The following PHIP variants were observed in gnomAD, a reference collection of about 807,000 sequenced individuals.
PHIP encodes PHIP subunit of CUL4-Ring ligase complex.
Under a neutral mutation model 236.8 loss-of-function variants are expected in PHIP, and 54 were observed. The observed-to-expected ratio is 0.23, with a 90% CI of 0.18 to 0.29. PHIP has a LOEUF of 0.29. Ranked by LOEUF, PHIP falls within the 10% of genes least tolerant of loss-of-function variation. The pLI is 1.00. For missense variants in PHIP, 1,370 were observed against 2,190.8 expected (o/e 0.63, Z 7.48); for synonymous variants, 756 against 718.9 (o/e 1.05, Z -0.83).
At chr6:79,044,841 T>C (rs892028019) in intron 6 of PHIP, among the ~76,000 whole-genome samples, 2 of 152,154 alleles carry the variant, frequency 1.3e-5, no homozygotes, top group East Asian at 1.9e-4. Context: ...TGATAAAGTA[T>C]TTTATAAGCA....
At chr6:79,034,090 A>G (rs1771808078) in intron 7 of PHIP, among the ~76,000 whole-genome samples, 1 of 152,214 alleles carries the variant, frequency 6.6e-6, no homozygotes, top group Non-Finnish European at 1.5e-5. Flanking sequence ...TATAATAATA[A>G]TGAAAAAGCT....
chr6:79,000,208 G>T (rs1006152728), intron 17 of PHIP, among the ~76,000 whole-genome samples: 1 of 151,952 alleles, frequency 6.6e-6, no homozygotes, highest in African/African-American at 2.4e-5. Flanking sequence ...GACAAAAAAA[G>T]ATTTTTACTC....
chr6:78,970,395 G>A (rs1293887479), intron 25 of PHIP, among the ~76,000 whole-genome samples: 2 of 151,872 alleles, frequency 1.3e-5, no homozygotes, highest in African/African-American at 2.4e-5. Context: ...AAAAAAATAA[G>A]GAGAACTTTA....
chr6:78,947,424 C>T (rs527570982), intron 36 of PHIP, among the ~76,000 whole-genome samples, 199 bp downstream of exon 36: 3 of 152,282 alleles, frequency 2.0e-5, no homozygotes, highest in African/African-American at 7.2e-5. Flanking sequence ...TAACCATTCC[C>T]AGACATCAAA....
intron 7 of PHIP, among the ~76,000 whole-genome samples, chr6:79,038,602 C>T (rs1013182565): frequency 6.6e-6 from 1 of 151,792 alleles, no homozygotes; most frequent in African/African-American, 2.4e-5. Context: ...CACCACTCTT[C>T]TTTTTTTTCC....
At chr6:79,037,456 T>C (rs1282378902) in intron 7 of PHIP, among the ~76,000 whole-genome samples, 1 of 152,170 alleles carries the variant, frequency 6.6e-6, no homozygotes, top group Admixed American at 6.5e-5. Context: ...ATTTCCAAGG[T>C]TTTTCCCCAT....
intron 6 of PHIP, among the ~76,000 whole-genome samples, chr6:79,053,445 A>T (rs554827083): frequency 6.6e-6 from 1 of 152,366 alleles, no homozygotes; most frequent in East Asian, 1.9e-4. Flanking sequence ...CTAAACAATC[A>T]AATCTTCATG....
At chr6:79,077,547 C>G in intron 3 of PHIP, 40 bp from the exon 4 acceptor site, 1 of 1,302,100 alleles carries the variant, frequency 7.7e-7, no homozygotes, top group Non-Finnish European at 1.0e-6. Flanking sequence ...GCCCCCGGCC[C>G]CTACCCGCCC....
chr6:78,954,723 T>C lies in PHIP; in HGVS notation c.4053+91A>G, dbSNP rs9443632. ...TATAAAATAATAAAGAAATAAACTA[T>C]AATCATAAAAAGTAACTAAAATAGC... On this transcript the variant is annotated intron_variant, in intron 35 of 39. Transcript: ENST00000275034. 385,148 of 769,906 alleles carry C rather than the reference T, an allele frequency of 0.5. 98,317 individuals are homozygous for C. The highest frequency in any genetic ancestry group is 0.67 in the East Asian group (21,989 of 32,944). The allele number at this position is 769,906 out of a possible 1,614,324, so 47.7% of individuals were successfully genotyped here.
chr6:78,985,456 T>G (rs769539364), intron 21 of PHIP, 28 bp from the exon 22 acceptor site: 9 of 1,076,932 alleles, frequency 8.4e-6, no homozygotes, highest in Non-Finnish European at 1.3e-5. Context: ...CATGTCTTAT[T>G]GCATAATTTT....
intron 31 of PHIP, among the ~76,000 whole-genome samples, chr6:78,961,222 A>C (rs184913624): frequency 6.6e-6 from 1 of 152,194 alleles, no homozygotes; most frequent in East Asian, 1.9e-4. Flanking sequence ...AGTATTTTCA[A>C]ATTTCAGTGT....
chr6:78,963,049 C>T (rs1265464647), intron 30 of PHIP, 48 bp downstream of exon 30: 7 of 1,505,364 alleles, frequency 4.7e-6, no homozygotes, highest in Non-Finnish European at 6.2e-6. Flanking sequence ...TTTTCCATTA[C>T]TTTGTGTTCT....
At chr6:78,974,516 T>G (rs1355067671) in intron 24 of PHIP, among the ~76,000 whole-genome samples, 1 of 150,798 alleles carries the variant, frequency 6.6e-6, no homozygotes, top group Non-Finnish European at 1.5e-5. Flanking sequence ...AGGCAAGAAA[T>G]AACTAAGATC....
At chr6:78,965,896 A>C in intron 28 of PHIP, 49 bp downstream of exon 28, 1 of 1,405,246 alleles carries the variant, frequency 7.1e-7, no homozygotes, top group Non-Finnish European at 1.0e-6. Flanking sequence ...TGGAAAAAAA[A>C]ATTCAAAGCA....
rs770423769 is a variant in PHIP, at chr6:79,015,079, T to C, written c.1524+3A>G. The C allele has an allele frequency of 3.1e-6, 5 of 1,608,790 alleles. No individual in the cohort carries two copies. The highest frequency in any genetic ancestry group is 4.3e-6 in the Non-Finnish European group (5 of 1,175,796). ...GGTATAAAATGAAGAGAATGATAAT[T>C]ACCATATTGAAATAAGATCGTATTT... is the stretch of plus-strand genomic sequence containing the variant. On this transcript the variant is annotated splice_donor_region_variant and intron_variant, in intron 15 of 39. Coordinates refer to ENST00000275034, the MANE Select transcript of PHIP (RefSeq NM_017934.7).
chr6:79,077,904 A>G lies in PHIP; in HGVS notation c.50T>C (p.Phe17Ser), dbSNP rs878854420. ...GLSELRSELYFLIARFLEDGP... is the reference protein window; with the variant it reads ...GLSELRSELYSLIARFLEDGP... ...ATCTTCCAGGAACCGGGCGATGAGG[A>G]AGTAGAGCTCTGCGCGGGAGAGAGG... Residue 17 changes from phenylalanine (F) to serine (S), a missense_variant, in exon 2 of 40, where the codon TTC becomes TCC. Phe to Ser is a radical substitution (Grantham distance 155). Transcript: ENST00000275034. 1 of 1,593,252 alleles carries G rather than the reference A, an allele frequency of 6.3e-7. No homozygotes were observed.
At chr6:79,073,541 C>T (rs368553175) in intron 4 of PHIP, among the ~76,000 whole-genome samples, 4 of 152,034 alleles carry the variant, frequency 2.6e-5, no homozygotes, top group African/African-American at 9.7e-5. Context: ...ATGGGAATCC[C>T]TACTTCTAAA....
At chr6:79,040,014 C>A (rs1469194427) in intron 7 of PHIP, among the ~76,000 whole-genome samples, 2 of 151,880 alleles carry the variant, frequency 1.3e-5, no homozygotes, top group East Asian at 1.9e-4. Flanking sequence ...CTTTTTAATT[C>A]TTGTATACCA....
At chr6:78,963,316 G>T (rs1032910266) in intron 29 of PHIP, 64 bp from the exon 30 acceptor site, 11 of 1,316,744 alleles carry the variant, frequency 8.4e-6, no homozygotes, top group Non-Finnish European at 1.2e-5. Context: ...GTTAGCTTTA[G>T]AATGTAAAAA....
Sources: allele counts gnomAD v4.1 joint callset (sites outside exome capture counted in the v4.1 genomes callset), GRCh38; gene constraint gnomAD v4.1.1; transcripts MANE v1.5; gene names NCBI Gene and HGNC (gene_info 2026-07-23, HGNC 2026-07-21).